Variants in MEIG1 observed in about 807,000 individuals in gnomAD.
MEIG1 encodes meiosis expressed gene 1 protein homolog.
Under a neutral mutation model 11.3 loss-of-function variants are expected in MEIG1, and 12 were observed. That is an observed-to-expected ratio of 1.07 (90% CI 0.68 to 1.73). MEIG1 has a LOEUF of 1.73. Ranked by LOEUF, MEIG1 falls within the 40% of genes most tolerant of loss-of-function variation. The probability of loss-of-function intolerance (pLI) is 0.00; values close to 1 mark genes in which losing one functional copy is unlikely to be tolerated. For missense variants in MEIG1, 119 were observed against 104.9 expected (o/e 1.13, Z -0.59); for synonymous variants, 41 against 33.2 (o/e 1.24, Z -0.81).
chr10:14,986,850 A>T, exon 2 of MEIG1: 1 of 405,188 alleles, frequency 2.5e-6, no homozygotes, highest in Non-Finnish European at 4.7e-6. Context: ...GACTCAAGTG[A>T]TCCCAGCGAC....
intron 1 of MEIG1, among the ~76,000 whole-genome samples, chr10:14,977,899 A>C (rs947476311): frequency 1.3e-5 from 2 of 151,924 alleles, no homozygotes; most frequent in African/African-American, 4.8e-5. Flanking sequence ...CATTCGTAAT[A>C]TCCTAGAAAG....
downstream of MEIG1, among the ~76,000 whole-genome samples, chr10:14,973,081 G>A (rs1306478145): frequency 6.6e-6 from 1 of 151,930 alleles, no homozygotes; most frequent in East Asian, 1.9e-4. Flanking sequence ...GGCCAGGGTG[G>A]TCTCAAACTC....
chr10:14,985,695 G>T (rs547255083), intron 1 of MEIG1, among the ~76,000 whole-genome samples: 3 of 151,866 alleles, frequency 2.0e-5, no homozygotes, highest in Non-Finnish European at 2.9e-5. Flanking sequence ...GTCACAGAAG[G>T]TGTACACCTT....
downstream of MEIG1, among the ~76,000 whole-genome samples, chr10:14,976,813 T>C (rs905868794): frequency 6.6e-6 from 1 of 152,082 alleles, no homozygotes; most frequent in African/African-American, 2.4e-5. Context: ...AAAACGTTAC[T>C]GCTAATGTCA....
chr10:14,976,483 T>G (rs1843211469), downstream of MEIG1, among the ~76,000 whole-genome samples: 1 of 152,088 alleles, frequency 6.6e-6, no homozygotes, highest in Non-Finnish European at 1.5e-5. Flanking sequence ...ATTCATAATA[T>G]CCTAGAGGGA....
At chr10:14,976,284 T>G (rs1042816594), downstream of MEIG1, among the ~76,000 whole-genome samples, 1 of 151,896 alleles carries the variant, frequency 6.6e-6, no homozygotes, top group African/African-American at 2.4e-5. Context: ...ATAATATTAA[T>G]TACATATTAT....
chr10:14,976,558 G>A (rs578069950), downstream of MEIG1, among the ~76,000 whole-genome samples: 33 of 152,140 alleles, frequency 2.2e-4, no homozygotes, highest in Non-Finnish European at 4.0e-4. Context: ...CTCATAAGAT[G>A]TCACTCCTCA....
At chr10:14,982,076 A>T (rs1843271210) in intron 1 of MEIG1, among the ~76,000 whole-genome samples, 1 of 152,234 alleles carries the variant, frequency 6.6e-6, no homozygotes, top group Non-Finnish European at 1.5e-5. Context: ...GATTAAAGCC[A>T]TGTGAATCAT....
At chr10:14,969,316 G>A (rs1843123479) in intron 2 of MEIG1, among the ~76,000 whole-genome samples, 1 of 151,970 alleles carries the variant, frequency 6.6e-6, no homozygotes, top group Admixed American at 6.6e-5. Flanking sequence ...AGGCATGGTG[G>A]AGTGTCTCTG....
chr10:14,986,403 A>G (rs934667857), intron 1 of MEIG1, among the ~76,000 whole-genome samples: 2 of 152,136 alleles, frequency 1.3e-5, no homozygotes, highest in African/African-American at 4.8e-5. Context: ...TGAGAAAGTT[A>G]GGAAGTTTCT....
chr10:14,973,271 T>G (rs1204192555), downstream of MEIG1, among the ~76,000 whole-genome samples: 1 of 152,192 alleles, frequency 6.6e-6, no homozygotes, highest in Non-Finnish European at 1.5e-5. Context: ...GCAGATAGTC[T>G]TAGTGCTCCA....
intron 1 of MEIG1, among the ~76,000 whole-genome samples, chr10:14,978,255 TTCAAATATC>T (rs1341450660): frequency 6.6e-6 from 1 of 151,958 alleles, no homozygotes; most frequent in African/African-American, 2.4e-5. Flanking sequence ...GATATATTAC[TTCAAATATC>T]ACATTGGGTG....
upstream of MEIG1, among the ~76,000 whole-genome samples, chr10:14,958,555 C>T (rs532995581): frequency 2.8e-4 from 42 of 152,252 alleles, 1 homozygote; most frequent in South Asian, 5.4e-3. Context: ...ACAATTGCTC[C>T]TTTCTTTCAT....
rs34536061 is a variant in MEIG1, at chr10:14,961,638, A to ATTTTTTTTTTTTTTTTTT, written c.-30+2085_-30+2102dup. On this transcript the variant is annotated intron_variant, in intron 1 of 2. Transcript: ENST00000407572. The stretch of plus-strand genomic sequence containing the variant: ...AGGCAGCCGCCACCGCATCCGGCTA[A>ATTTTTTTTTTTTTTTTTT]TTTTTTTTTTTTTTTTTTTTTAGTA... 1.9e-3 allele frequency among the ~76,000 whole-genome samples: 144 copies of ATTTTTTTTTTTTTTTTTT among 76,594 alleles called. 24 individuals are homozygous for ATTTTTTTTTTTTTTTTTT. The highest frequency in any genetic ancestry group is 7.2e-3 in the Middle Eastern group (1 of 138). The allele number at this position is 76,594 out of a possible 152,430, so 50.2% of individuals were successfully genotyped here.
chr10:14,975,718 C>T (rs4614329), downstream of MEIG1, among the ~76,000 whole-genome samples: 98,005 of 151,580 alleles, frequency 0.65, 31,896 homozygotes, highest in Non-Finnish European at 0.68. Flanking sequence ...GCACAGAAAG[C>T]GTACACCACC....
intron 1 of MEIG1, among the ~76,000 whole-genome samples, chr10:14,961,145 A>G (rs766386221): frequency 6.6e-6 from 1 of 152,240 alleles, no homozygotes; most frequent in Non-Finnish European, 1.5e-5. Flanking sequence ...GCCAACTTTA[A>G]ACGTCCTCAG....
chr10:14,987,529 A>G, intron 2 of MEIG1: 1 of 684,142 alleles, frequency 1.5e-6, no homozygotes, highest in Non-Finnish European at 2.7e-6. Flanking sequence ...AGCAATTCAC[A>G]AGGAACATCT....
At chr10:14,954,348 G>T in the MEIG1 span, 1 of 418,384 alleles carries the variant, frequency 2.4e-6, no homozygotes, top group East Asian at 5.1e-5. Flanking sequence ...CGCGGGAAGG[G>T]AAATCGAAAC....
intron 2 of MEIG1, chr10:14,987,132 T>C (rs1351724642): frequency 3.0e-5 from 25 of 843,096 alleles, no homozygotes; most frequent in Non-Finnish European, 4.6e-5. Context: ...AAGAAAGACA[T>C]CTGTGTCAGG....
Sources: allele counts gnomAD v4.1 joint callset (sites outside exome capture counted in the v4.1 genomes callset), GRCh38; gene constraint gnomAD v4.1.1; transcripts MANE v1.5; gene names NCBI Gene and HGNC (gene_info 2026-07-23, HGNC 2026-07-21).